CRISP1: variants seen among roughly 807,000 people sequenced by gnomAD.
CRISP1 encodes cysteine-rich secretory protein 1.
Under a neutral mutation model 33.1 loss-of-function variants are expected in CRISP1, and 44 were observed. The observed-to-expected ratio is 1.33, with a 90% CI of 1.05 to 1.71. CRISP1 has a LOEUF of 1.71. CRISP1 is among the 40% of genes most tolerant of loss of function. The pLI is 0.00. For synonymous variants in CRISP1, 103 were observed against 98.7 expected (o/e 1.04, Z -0.26); for missense variants, 390 against 301.2 (o/e 1.29, Z -2.18).
chr6:49,852,559 G>T (rs1050943971), intron 2 of CRISP1, among the ~76,000 whole-genome samples: 2 of 152,148 alleles, frequency 1.3e-5, no homozygotes, highest in African/African-American at 4.8e-5. Context: ...GAACCCTTGT[G>T]TAGAGGTGTG....
chr6:49,840,919 T>A lies in CRISP1; in HGVS notation c.512A>T (p.Tyr171Phe). Residue 171 changes from tyrosine to phenylalanine, a missense_variant, in exon 6 of 8, where the codon TAC becomes TTC. Tyr to Phe is a conservative substitution (Grantham distance 22, BLOSUM62 3). Transcript: ENST00000335847. ...ATACTCATGACAATAGTGACAAACGTAGAGATATCGAGGTGATCCTTGTTG... is the reference window on the plus strand; with the variant it reads ...ATACTCATGACAATAGTGACAAACGAAGAGATATCGAGGTGATCCTTGTTG... Reference protein sequence around the residue: ...CRQQGSPRYLYVCHYCHEGND... With the variant: ...CRQQGSPRYLFVCHYCHEGND... 2 of 1,613,586 alleles carry A rather than the reference T, an allele frequency of 1.2e-6. No individual in the cohort carries two copies. Among genetic ancestry groups the A allele is most frequent in the Non-Finnish European group, 1.7e-6 (2 of 1,179,682 alleles).
upstream of CRISP1, among the ~76,000 whole-genome samples, chr6:49,868,543 A>T (rs1582287373): frequency 6.6e-6 from 1 of 152,336 alleles, no homozygotes; most frequent in East Asian, 1.9e-4. Flanking sequence ...AATTTTAGAA[A>T]GCCCAGATAT....
At chr6:49,857,262 G>T in intron 2 of CRISP1, 73 bp downstream of exon 2, 1 of 1,444,826 alleles carries the variant, frequency 6.9e-7, no homozygotes, top group South Asian at 1.2e-5. Flanking sequence ...CCTCTAACAT[G>T]GTGAATTGTA....
chr6:49,852,351 T>C (rs1215305324), intron 2 of CRISP1, among the ~76,000 whole-genome samples: 1 of 152,210 alleles, frequency 6.6e-6, no homozygotes, highest in East Asian at 1.9e-4. Flanking sequence ...TTCAGAATAA[T>C]GCACTTGTTA....
Position 49,846,558 on chromosome 6 carries a change from T to C in CRISP1, c.397A>G (p.Thr133Ala). 1 of 1,613,630 alleles carries C rather than the reference T, an allele frequency of 6.2e-7. No individual in the cohort carries two copies. Among genetic ancestry groups the C allele is most frequent in the Non-Finnish European group, 8.5e-7 (1 of 1,179,722 alleles). Residue 133 changes from threonine to alanine, a missense_variant, in exon 5 of 8, where the codon ACA (threonine) becomes GCA (alanine). Coordinates refer to ENST00000335847, the MANE Select transcript of CRISP1 (RefSeq NM_001131.3). ...STSFKHGEWT[T>A]TDDDITTDHY... The stretch of plus-strand genomic sequence containing the variant: ...TCAGTAGTTATGTCATCATCCGTTG[T>C]TGTCCATTCTCCATGTTTGAAACTT...
intron 2 of CRISP1, among the ~76,000 whole-genome samples, chr6:49,852,913 TA>T (rs1259951045): frequency 6.6e-6 from 1 of 151,532 alleles, no homozygotes; most frequent in African/African-American, 2.4e-5. Context: ...ATACCTTTTT[TA>T]AAAAATGTGG....
intron 2 of CRISP1, among the ~76,000 whole-genome samples, chr6:49,856,464 G>A (rs778211843): frequency 6.6e-6 from 1 of 152,096 alleles, no homozygotes; most frequent in Non-Finnish European, 1.5e-5. Flanking sequence ...CAGCTTACTG[G>A]AGGATTACTG....
intron 6 of CRISP1, 21 bp downstream of exon 6, chr6:49,840,877 T>A (rs1239945995): frequency 1.3e-6 from 2 of 1,584,932 alleles, no homozygotes; most frequent in Non-Finnish European, 1.7e-6. Context: ...GATATATATT[T>A]TAAAAACTAA....
Position 49,835,538 on chromosome 6 carries a change from T to G in CRISP1, c.623-95A>C, listed in dbSNP as rs544540017. On this transcript the variant is annotated intron_variant, in intron 7 of 7. Coordinates refer to ENST00000335847, the MANE Select transcript of CRISP1 (RefSeq NM_001131.3). ...CTTATTAAAGACAAAAAGAGAAATT[T>G]TTATTAACAATTGCTAACTAAATTT... is the stretch of plus-strand genomic sequence containing the variant. The G allele has an allele frequency of 1.1e-3, 1,303 of 1,234,684 alleles. 1 individual carries two copies. Among genetic ancestry groups the G allele is most frequent in the Non-Finnish European group, 1.2e-3 (1,118 of 896,940 alleles). The allele number at this position is 1,234,684 out of a possible 1,614,324, so 76.5% of individuals were successfully genotyped here.
intron 3 of CRISP1, 49 bp from the exon 4 acceptor site, chr6:49,848,348 A>T: frequency 1.8e-6 from 2 of 1,108,150 alleles, no homozygotes; most frequent in African/African-American, 1.6e-5. Flanking sequence ...ATATTTTCAT[A>T]AGATTCTAAT....
At chr6:49,862,884 G>A (rs1771692533) in intron 1 of CRISP1, among the ~76,000 whole-genome samples, 1 of 151,732 alleles carries the variant, frequency 6.6e-6, no homozygotes, top group South Asian at 2.1e-4. Flanking sequence ...AGTCACTTGG[G>A]GTGACTGAGT....
chr6:49,863,553 A>G (rs1277648509), intron 1 of CRISP1, among the ~76,000 whole-genome samples: 5 of 152,242 alleles, frequency 3.3e-5, no homozygotes. Context: ...CAGCAACTTG[A>G]TACATTATTT....
chr6:49,850,926 C>T (rs575701896), intron 3 of CRISP1, among the ~76,000 whole-genome samples: 1 of 152,106 alleles, frequency 6.6e-6, no homozygotes, highest in Non-Finnish European at 1.5e-5. Flanking sequence ...GGGCCCCAGT[C>T]CTTAAGATTT....
At chr6:49,844,851 G>A (rs1342063083) in intron 5 of CRISP1, among the ~76,000 whole-genome samples, 1 of 151,956 alleles carries the variant, frequency 6.6e-6, no homozygotes, top group East Asian at 1.9e-4. Context: ...AACATTTTTT[G>A]TTTCATAGGT....
At position 49,839,634 on chromosome 6, in the gene CRISP1, T is replaced by C. The variant is rs527448405; in HGVS notation, c.534-1109A>G. The stretch of plus-strand genomic sequence containing the variant: ...TTCACTTTGAAAAGAAGATTATTAC[T>C]AAATTCAGTAAGAGATTTAATGAGA... On this transcript the variant is annotated intron_variant, in intron 6 of 7. Coordinates refer to ENST00000335847, the MANE Select transcript of CRISP1 (RefSeq NM_001131.3). Among the ~76,000 whole-genome samples, 15 of 152,330 alleles carry C rather than the reference T, an allele frequency of 9.8e-5. No individual in the cohort carries two copies. The South Asian group carries it at 2.7e-3, about 27-fold the overall frequency.
intron 3 of CRISP1, among the ~76,000 whole-genome samples, chr6:49,849,964 G>T (rs1437530600): frequency 2.0e-5 from 3 of 151,888 alleles, no homozygotes; most frequent in Non-Finnish European, 2.9e-5. Flanking sequence ...AGCCTCTCTG[G>T]GCTGGGGGAA....
chr6:49,838,761 G>A (rs1291839040), intron 6 of CRISP1, among the ~76,000 whole-genome samples: 6 of 152,098 alleles, frequency 3.9e-5, no homozygotes, highest in Admixed American at 2.6e-4. Flanking sequence ...TGCACATCTC[G>A]TTGGACAGTC....
At position 49,859,001 on chromosome 6, in the gene CRISP1, G is replaced by C. The variant is rs146010654; in HGVS notation, c.-2-1599C>G. On this transcript the variant is annotated intron_variant, in intron 1 of 7. Transcript: ENST00000335847. ...CAGTCTGCTCAGTTGGGACTGACTG[G>C]GAGCCTGGAAAGGCTCCTTAACACA... Among the ~76,000 whole-genome samples the C allele has an allele frequency of 7.2e-3, 1,100 of 152,194 alleles. 9 individuals are homozygous for C. Among genetic ancestry groups the C allele is most frequent in the Non-Finnish European group, 8.8e-3 (595 of 67,996 alleles).
At chr6:49,852,171 T>A in intron 2 of CRISP1, 42 bp from the exon 3 acceptor site, 1 of 1,593,060 alleles carries the variant, frequency 6.3e-7, no homozygotes, top group Non-Finnish European at 8.5e-7. Context: ...TTCTTTTAAG[T>A]GGAATTTGTC....
Sources: gnomAD v4.1 joint callset for allele counts (sites outside exome capture counted in the v4.1 genomes callset) on GRCh38, gnomAD v4.1.1 for gene constraint, MANE v1.5 for transcripts, NCBI Gene and HGNC (gene_info 2026-07-23, HGNC 2026-07-21) for gene names.